AKAP19: variants seen among roughly 807,000 people sequenced by gnomAD.
AKAP19 encodes the protein A-kinase anchoring protein 19, also known as small A-kinase anchoring protein.
the AKAP19 span, among the ~76,000 whole-genome samples, chr2:189,889,739 A>T: frequency 6.6e-6 from 1 of 152,050 alleles, no homozygotes; most frequent in East Asian, 1.9e-4. Flanking sequence ...GTATTATCTG[A>T]TGGTAGTTTG....
At chr2:189,944,955 G>A in the AKAP19 span, among the ~76,000 whole-genome samples, 1 of 151,962 alleles carries the variant, frequency 6.6e-6, no homozygotes, top group African/African-American at 2.4e-5. Context: ...TAGAAAGTAT[G>A]AAAACACATG....
chr2:190,071,347 G>A, the AKAP19 span, among the ~76,000 whole-genome samples: 6 of 151,932 alleles, frequency 3.9e-5, no homozygotes, highest in East Asian at 5.8e-4. Flanking sequence ...CTAGCTATTC[G>A]TTTTTTATCT....
the AKAP19 span, among the ~76,000 whole-genome samples, chr2:190,173,648 C>T: frequency 6.6e-6 from 1 of 152,206 alleles, no homozygotes; most frequent in African/African-American, 2.4e-5. Flanking sequence ...GGAAGCTCAC[C>T]ATTTCACAAA....
chr2:190,109,432 C>T, the AKAP19 span, among the ~76,000 whole-genome samples: 19 of 152,106 alleles, frequency 1.2e-4, no homozygotes, highest in African/African-American at 3.9e-4. Flanking sequence ...TTGCCCCCTC[C>T]GCTGACAGTG....
chr2:190,155,464 TTA>T, the AKAP19 span, among the ~76,000 whole-genome samples: 7 of 151,948 alleles, frequency 4.6e-5, no homozygotes, highest in African/African-American at 1.7e-4. Context: ...GGGGGCAAAA[TTA>T]ATACAATATA....
chr2:190,159,199 A>G, the AKAP19 span, among the ~76,000 whole-genome samples: 1 of 152,134 alleles, frequency 6.6e-6, no homozygotes, highest in Non-Finnish European at 1.5e-5. Context: ...TACAAATTAT[A>G]TTGGTGCCAT....
At chr2:190,143,284 GAAA>G in the AKAP19 span, among the ~76,000 whole-genome samples, 1 of 118,922 alleles carries the variant, frequency 8.4e-6, no homozygotes, top group African/African-American at 3.2e-5. Context: ...TATCCTGTAG[GAAA>G]AAAAAAAAAA....
the AKAP19 span, among the ~76,000 whole-genome samples, chr2:189,966,484 C>G: frequency 6.6e-6 from 1 of 152,082 alleles, no homozygotes; most frequent in Non-Finnish European, 1.5e-5. Flanking sequence ...TGAAATGACA[C>G]AATTTTAGAA....
At chr2:189,998,719 G>T in the AKAP19 span, among the ~76,000 whole-genome samples, 1 of 141,706 alleles carries the variant, frequency 7.1e-6, no homozygotes, top group Non-Finnish European at 1.6e-5. Context: ...TTTATTTATT[G>T]CTTTTCTATT....
chr2:189,959,948 C>T, the AKAP19 span, among the ~76,000 whole-genome samples: 1 of 151,844 alleles, frequency 6.6e-6, no homozygotes, highest in Non-Finnish European at 1.5e-5. Flanking sequence ...AATAATGTAA[C>T]ATTTATGTAG....
At chr2:190,165,024 G>A in the AKAP19 span, among the ~76,000 whole-genome samples, 1 of 152,200 alleles carries the variant, frequency 6.6e-6, no homozygotes, top group Non-Finnish European at 1.5e-5. Flanking sequence ...TCCCAAAGTG[G>A]TTGTCTCAAG....
the AKAP19 span, among the ~76,000 whole-genome samples, chr2:189,956,319 G>A: frequency 6.7e-6 from 1 of 148,734 alleles, no homozygotes; most frequent in Non-Finnish European, 1.5e-5. Flanking sequence ...ACAGGCGCCC[G>A]CCACTACGCC....
At chr2:190,051,449 G>C in the AKAP19 span, among the ~76,000 whole-genome samples, 1 of 152,158 alleles carries the variant, frequency 6.6e-6, no homozygotes, top group Non-Finnish European at 1.5e-5. Context: ...ATCTTTGGTG[G>C]AACATCTGTC....
chr2:190,147,306 C>A, the AKAP19 span, among the ~76,000 whole-genome samples: 4 of 152,160 alleles, frequency 2.6e-5, no homozygotes, highest in Non-Finnish European at 2.9e-5. Flanking sequence ...GATCAGTTGG[C>A]TGTAAGTGTT....
the AKAP19 span, among the ~76,000 whole-genome samples, chr2:190,130,817 T>C: frequency 1.3e-5 from 2 of 152,064 alleles, no homozygotes; most frequent in Non-Finnish European, 2.9e-5. Context: ...AATACGAAAA[T>C]GTATATAATG....
chr2:190,108,818 T>A, the AKAP19 span, among the ~76,000 whole-genome samples: 1 of 151,290 alleles, frequency 6.6e-6, no homozygotes, highest in Non-Finnish European at 1.5e-5. Flanking sequence ...CTGGAATTCT[T>A]AGTAAAATTC....
the AKAP19 span, among the ~76,000 whole-genome samples, chr2:190,149,680 G>A: frequency 1.3e-4 from 20 of 152,144 alleles, no homozygotes; most frequent in Admixed American, 9.2e-4. Flanking sequence ...TGTGGTCTCA[G>A]AGAGTGCTTG....
chr2:190,164,859 T>C, the AKAP19 span, among the ~76,000 whole-genome samples: 13 of 152,342 alleles, frequency 8.5e-5, no homozygotes, highest in African/African-American at 3.1e-4. Flanking sequence ...TAGCAGGCAT[T>C]TCCAGTTTGG....
chr2:189,970,666 A>G, the AKAP19 span, among the ~76,000 whole-genome samples: 3 of 152,236 alleles, frequency 2.0e-5, no homozygotes, highest in African/African-American at 7.2e-5. Flanking sequence ...ATGTTAAACA[A>G]TAATTCTATC....
Sources: gnomAD v4.1 joint callset for allele counts (sites outside exome capture counted in the v4.1 genomes callset) on GRCh38, gnomAD v4.1.1 for gene constraint, MANE v1.5 for transcripts, NCBI Gene and HGNC (gene_info 2026-07-23, HGNC 2026-07-21) for gene names.